EYA2: variants seen among roughly 807,000 people sequenced by gnomAD.
EYA2 encodes the protein EYA transcriptional coactivator and phosphatase 2, also known as protein phosphatase EYA2.
In EYA2, 31 loss-of-function variants were observed where a neutral mutation model predicts 69.2. The observed-to-expected ratio is 0.45, with a 90% CI of 0.34 to 0.60. The LOEUF (loss-of-function observed/expected upper bound fraction) is 0.60, where lower values mean the gene tolerates loss of function less well. Among genes scored for constraint, EYA2 ranks in the 20% least tolerant of loss-of-function variants. The pLI is 0.02. For missense variants in EYA2, 622 were observed against 701.2 expected (o/e 0.89, Z 1.28); for synonymous variants, 257 against 279.4 (o/e 0.92, Z 0.80).
At chr20:46,986,392 T>C (rs1981198551) in intron 1 of EYA2, among the ~76,000 whole-genome samples, 1 of 147,788 alleles carries the variant, frequency 6.8e-6, no homozygotes, top group East Asian at 1.9e-4. Flanking sequence ...TATATCGATA[T>C]ATAATATATA....
chr20:47,066,677 AT>A (rs1358350840), intron 5 of EYA2, among the ~76,000 whole-genome samples: 5 of 152,178 alleles, frequency 3.3e-5, no homozygotes, highest in Non-Finnish European at 5.9e-5. Flanking sequence ...ACATTTAGCC[AT>A]AGGGAATCTG....
chr20:47,127,178 C>T (rs2033213450), intron 9 of EYA2, among the ~76,000 whole-genome samples: 1 of 151,948 alleles, frequency 6.6e-6, no homozygotes, highest in Non-Finnish European at 1.5e-5. Context: ...TTCAGAAACA[C>T]ATCTAAAGTG....
intron 1 of EYA2, among the ~76,000 whole-genome samples, chr20:46,927,766 C>G (rs1985480440): frequency 6.6e-6 from 1 of 152,272 alleles, no homozygotes; most frequent in South Asian, 2.1e-4. Context: ...CAAACCATAT[C>G]AATGCCCTGC....
At chr20:47,011,941 A>G (rs1466207216) in intron 4 of EYA2, among the ~76,000 whole-genome samples, 1 of 152,186 alleles carries the variant, frequency 6.6e-6, no homozygotes, top group South Asian at 2.1e-4. Flanking sequence ...CAGGGAGCCA[A>G]TCATGTTGTC....
chr20:47,089,897 G>T (rs538060084), intron 8 of EYA2, among the ~76,000 whole-genome samples: 1 of 152,112 alleles, frequency 6.6e-6, no homozygotes, highest in African/African-American at 2.4e-5. Context: ...AAGACTCACT[G>T]GAGGAACTAG....
At chr20:47,069,876 A>AT (rs2031250356) in intron 5 of EYA2, among the ~76,000 whole-genome samples, 1 of 146,878 alleles carries the variant, frequency 6.8e-6, no homozygotes, top group Non-Finnish European at 1.5e-5. Flanking sequence ...ATATATATAT[A>AT]TGAAAAGATG....
At chr20:46,908,027 T>C (rs953538105) in intron 1 of EYA2, among the ~76,000 whole-genome samples, 2 of 152,232 alleles carry the variant, frequency 1.3e-5, no homozygotes, top group Non-Finnish European at 2.9e-5. Flanking sequence ...ACAGACTTTC[T>C]GGGTTTTCCA....
At chr20:46,946,718 T>C (rs952021720) in intron 1 of EYA2, among the ~76,000 whole-genome samples, 1 of 150,894 alleles carries the variant, frequency 6.6e-6, no homozygotes, top group African/African-American at 2.4e-5. Context: ...AAACTTTATA[T>C]ACAAAACCAG....
chr20:47,047,640 G>A (rs562545864), intron 5 of EYA2, among the ~76,000 whole-genome samples: 5 of 152,158 alleles, frequency 3.3e-5, no homozygotes, highest in Non-Finnish European at 5.9e-5. Context: ...ACCTGCCTCA[G>A]CCTCCCAAAG....
chr20:46,942,980 G>A (rs761265099), intron 1 of EYA2, among the ~76,000 whole-genome samples: 1 of 152,198 alleles, frequency 6.6e-6, no homozygotes, highest in African/African-American at 2.4e-5. Flanking sequence ...TGGCCAGGCT[G>A]CTCTCAAACT....
At chr20:46,996,861 AAG>A (rs1276378598) in intron 2 of EYA2, among the ~76,000 whole-genome samples, 2 of 151,950 alleles carry the variant, frequency 1.3e-5, no homozygotes, top group Admixed American at 6.6e-5. Flanking sequence ...GAGCAGGAGG[AAG>A]AGAGGGGGGT....
intron 1 of EYA2, among the ~76,000 whole-genome samples, chr20:46,967,734 C>T (rs1015359671): frequency 1.3e-5 from 2 of 152,132 alleles, no homozygotes; most frequent in African/African-American, 4.8e-5. Context: ...TGTGAAGCAG[C>T]TCACATGGCT....
intron 12 of EYA2, among the ~76,000 whole-genome samples, chr20:47,176,642 A>C (rs2034432126): frequency 6.6e-6 from 1 of 152,234 alleles, no homozygotes. Context: ...CTGCATAAGT[A>C]AAAGAACAAC....
intron 10 of EYA2, among the ~76,000 whole-genome samples, chr20:47,162,185 TG>T (rs781649898): frequency 1.6e-4 from 25 of 152,266 alleles, no homozygotes; most frequent in Admixed American, 3.3e-4. Flanking sequence ...ACATATTGGA[TG>T]AAGGCCCACG....
intron 5 of EYA2, among the ~76,000 whole-genome samples, chr20:47,018,226 C>T (rs941203905): frequency 3.9e-5 from 6 of 152,180 alleles, no homozygotes; most frequent in African/African-American, 1.4e-4. Flanking sequence ...AATGGAGACC[C>T]GGTCCCCGTA....
intron 2 of EYA2, among the ~76,000 whole-genome samples, chr20:46,992,074 T>A (rs1037142481): frequency 6.6e-6 from 1 of 151,308 alleles, no homozygotes; most frequent in South Asian, 2.1e-4. Flanking sequence ...TGTAGATGAA[T>A]CCCCGCCTCT....
chr20:47,024,996 C>T (rs1478790108), intron 5 of EYA2, among the ~76,000 whole-genome samples: 1 of 152,214 alleles, frequency 6.6e-6, no homozygotes, highest in Non-Finnish European at 1.5e-5. Flanking sequence ...TCTTCTTCCT[C>T]TTCCTCAGTT....
chr20:46,898,441 C>T (rs1195286619), intron 1 of EYA2, among the ~76,000 whole-genome samples: 1 of 150,160 alleles, frequency 6.7e-6, no homozygotes, highest in Middle Eastern at 3.2e-3. Context: ...TCTTCACTCA[C>T]TCCCAACCCT....
intron 1 of EYA2, among the ~76,000 whole-genome samples, chr20:46,942,336 T>C (rs1016678338): frequency 2.0e-5 from 3 of 152,028 alleles, no homozygotes; most frequent in Non-Finnish European, 4.4e-5. Context: ...GCCTCCTGAG[T>C]AGTTGGGACT....
Sources: allele counts gnomAD v4.1 joint callset (sites outside exome capture counted in the v4.1 genomes callset), GRCh38; gene constraint gnomAD v4.1.1; transcripts MANE v1.5; gene names NCBI Gene and HGNC (gene_info 2026-07-23, HGNC 2026-07-21).